CCDC122: variants seen among roughly 807,000 people sequenced by gnomAD.
The protein encoded by CCDC122 is coiled-coil domain-containing protein 122.
Under a neutral mutation model 37.0 loss-of-function variants are expected in CCDC122, and 38 were observed. The ratio of observed to expected loss-of-function variants is 1.03; its 90% confidence interval spans 0.79 to 1.35. CCDC122 has a LOEUF of 1.35. Among genes scored for constraint, CCDC122 ranks in the 40% most tolerant of loss-of-function variants. The pLI is 0.00. For synonymous variants in CCDC122, 83 were observed against 95.6 expected (o/e 0.87, Z 0.77); for missense variants, 305 against 310.0 (o/e 0.98, Z 0.12).
At chr13:43,860,341 C>T (rs148191512) in intron 4 of CCDC122, among the ~76,000 whole-genome samples, 3 of 151,854 alleles carry the variant, frequency 2.0e-5, no homozygotes, top group African/African-American at 7.2e-5. Flanking sequence ...ATGTAAGATA[C>T]TTTATAATAA....
rs188344479 is a variant in CCDC122, at chr13:43,827,870, G to C, written n.602-3859C>G. Among the ~76,000 whole-genome samples the C allele has an allele frequency of 7.2e-3, 1,099 of 152,276 alleles. 46 individuals are homozygous for C. The highest frequency in any genetic ancestry group is 0.063 in the Admixed American group (961 of 15,296). ...ATTGTGGCTGTAACCATTGAAATTTGTCCTAAAGGTGGAGTTGGAGTTGAC... is the reference window on the plus strand; with the variant it reads ...ATTGTGGCTGTAACCATTGAAATTTCTCCTAAAGGTGGAGTTGGAGTTGAC... On this transcript the variant is annotated intron_variant and non_coding_transcript_variant, in intron 3 of 3. Transcript: ENST00000470137.
At chr13:43,869,624 G>T in intron 2 of CCDC122, 135 bp from the exon 3 acceptor site, 1 of 449,652 alleles carries the variant, frequency 2.2e-6, no homozygotes, top group Non-Finnish European at 3.9e-6. Flanking sequence ...TGCTTCTCCT[G>T]CTTTTCTGCT....
At chr13:43,866,089 C>A (rs956585026) in intron 4 of CCDC122, among the ~76,000 whole-genome samples, 1 of 152,160 alleles carries the variant, frequency 6.6e-6, no homozygotes, top group Admixed American at 6.5e-5. Context: ...GACAAAAGGA[C>A]GACTCACATC....
At chr13:43,868,862 A>G in intron 3 of CCDC122, 59 bp from the exon 4 acceptor site, 1 of 721,220 alleles carries the variant, frequency 1.4e-6, no homozygotes, top group Non-Finnish European at 2.0e-6. Flanking sequence ...CCATTTTAAG[A>G]AAGTTATGTT....
In CCDC122 at chr13:43,859,919, T is replaced by C. The variant is rs756711173; in HGVS notation, c.308A>G (p.Glu103Gly). Reference sequence around the variant, plus strand: ...TATGTCAAATTTAAGCTTTACATTTTCTGAATGTAAGGATTTGATTTGAGT... The same window carrying C: ...TATGTCAAATTTAAGCTTTACATTTCCTGAATGTAAGGATTTGATTTGAGT... The part of the protein sequence containing the change: ...LETQIKSLHS[E>G]NVKLKFDIET... Residue 103 changes from glutamate to glycine, a missense_variant, in exon 5 of 7, where the codon GAA (glutamate) becomes GGA (glycine). Transcript: ENST00000444614. The C allele has an allele frequency of 1.2e-6, 2 of 1,610,508 alleles. No individual in the cohort carries two copies. Among genetic ancestry groups the C allele is most frequent in the Admixed American group, 1.7e-5 (1 of 59,506 alleles).
downstream of CCDC122, among the ~76,000 whole-genome samples, chr13:43,832,684 A>C (rs1953100950): frequency 6.6e-6 from 1 of 152,174 alleles, no homozygotes; most frequent in Non-Finnish European, 1.5e-5. Context: ...TGTATAAATA[A>C]ATTATTATTT....
chr13:43,876,724 A>G (rs1456765220), intron 1 of CCDC122, among the ~76,000 whole-genome samples: 2 of 152,244 alleles, frequency 1.3e-5, no homozygotes, highest in African/African-American at 4.8e-5. Flanking sequence ...TTAATATTGT[A>G]TAAACCAATG....
At chr13:43,857,581 A>G (rs1953959912) in intron 6 of CCDC122, among the ~76,000 whole-genome samples, 1 of 152,000 alleles carries the variant, frequency 6.6e-6, no homozygotes, top group Admixed American at 6.6e-5. Context: ...TCAAGGATGC[A>G]TAATTTCTGG....
intron 1 of CCDC122, among the ~76,000 whole-genome samples, chr13:43,877,033 C>G (rs1401643979): frequency 1.3e-5 from 2 of 152,072 alleles, no homozygotes; most frequent in African/African-American, 4.8e-5. Context: ...ATCACTTGAA[C>G]CCTGTGGAGG....
chr13:43,827,940 G>A (rs1392593970), intron 3 of CCDC122, among the ~76,000 whole-genome samples: 1 of 152,188 alleles, frequency 6.6e-6, no homozygotes, highest in Non-Finnish European at 1.5e-5. Flanking sequence ...GGAATAGTAT[G>A]TCAAAGCACA....
intron 6 of CCDC122, among the ~76,000 whole-genome samples, chr13:43,848,090 T>C (rs191224638): frequency 3.3e-5 from 5 of 152,302 alleles, no homozygotes; most frequent in East Asian, 3.9e-4. Flanking sequence ...GTTTTTCTCA[T>C]AGGACTGGCT....
intron 4 of CCDC122, among the ~76,000 whole-genome samples, chr13:43,864,457 C>T (rs924813464): frequency 2.6e-5 from 4 of 152,110 alleles, no homozygotes; most frequent in Admixed American, 2.6e-4. Flanking sequence ...TAGTGAGGGC[C>T]TCAGGCTGCT....
chr13:43,878,998 G>A (rs1229855168), intron 1 of CCDC122, among the ~76,000 whole-genome samples: 1 of 152,188 alleles, frequency 6.6e-6, no homozygotes, highest in Non-Finnish European at 1.5e-5. Context: ...AAGCTGCCAA[G>A]AGCTAGCATG....
chr13:43,865,392 A>G (rs537305130), intron 4 of CCDC122, among the ~76,000 whole-genome samples: 1 of 152,236 alleles, frequency 6.6e-6, no homozygotes, highest in Middle Eastern at 3.4e-3. Flanking sequence ...TCCTTATCCA[A>G]GGGGAATATG....
rs957367173 is a variant in CCDC122, at chr13:43,862,704, T to C, written c.157-2634A>G. On this transcript the variant is annotated intron_variant, in intron 4 of 6. Coordinates refer to ENST00000444614, the MANE Select transcript of CCDC122 (RefSeq NM_144974.5). ...ATTCAATAAATGAGTGAATGACTGATGCACAACCAATGGTCAGGAAAGGGA... is the reference window on the plus strand; with the variant it reads ...ATTCAATAAATGAGTGAATGACTGACGCACAACCAATGGTCAGGAAAGGGA... 2.0e-5 allele frequency among the ~76,000 whole-genome samples: 3 copies of C among 152,148 alleles called. 1 individual carries two copies. The highest frequency in any genetic ancestry group is 6.5e-5 in the Admixed American group (1 of 15,274).
chr13:43,875,051 G>C lies in CCDC122; in HGVS notation c.-199-124C>G, dbSNP rs541909071. The C allele has an allele frequency of 3.3e-5, 5 of 152,344 alleles. No homozygotes were observed. The South Asian group carries it at 1.0e-3, about 32-fold the overall frequency. 9.4% of individuals were successfully genotyped at this position (152,344 alleles called of 1,614,324 possible). A position where few individuals can be genotyped will look rare whatever the true frequency, so the allele number is the denominator to read the frequency against. On this transcript the variant is annotated intron_variant, in intron 1 of 6. Coordinates refer to ENST00000444614, the MANE Select transcript of CCDC122 (RefSeq NM_144974.5). Reference sequence around the variant, plus strand: ...TTTCTACCAAAGGAGGGGCTTTGCTGAATGTATAGACAGTACTGGACTACC... The same window carrying C: ...TTTCTACCAAAGGAGGGGCTTTGCTCAATGTATAGACAGTACTGGACTACC...
chr13:43,845,021 T>C (rs1953472868), intron 6 of CCDC122, among the ~76,000 whole-genome samples: 1 of 152,166 alleles, frequency 6.6e-6, no homozygotes, highest in Admixed American at 6.5e-5. Context: ...TGTCTTCTAT[T>C]AGTCCCTTTT....
intron 6 of CCDC122, among the ~76,000 whole-genome samples, chr13:43,857,514 T>G (rs1191314633): frequency 6.6e-6 from 1 of 151,944 alleles, no homozygotes; most frequent in African/African-American, 2.4e-5. Flanking sequence ...GAATCCAGTT[T>G]TATTTCAACA....
rs1165928205 is a variant in CCDC122 at position 43,836,394 on chromosome 13, A to C, written c.*886T>G. ...AAATATTTTATTCATCGTATCACTC[A>C]AAATATGTTATTTTATAACAAAGAA... On this transcript the variant is annotated 3_prime_UTR_variant, in exon 7 of 7. Transcript: ENST00000444614. 1.3e-5 allele frequency: 2 copies of C among 152,330 alleles called. No homozygotes were observed. The highest frequency in any genetic ancestry group is 4.8e-5 in the African/African-American group (2 of 41,470). 9.4% of individuals were successfully genotyped at this position (152,330 alleles called of 1,614,324 possible).
Sources: gnomAD v4.1 joint callset for allele counts (sites outside exome capture counted in the v4.1 genomes callset) on GRCh38, gnomAD v4.1.1 for gene constraint, MANE v1.5 for transcripts, NCBI Gene and HGNC (gene_info 2026-07-23, HGNC 2026-07-21) for gene names.